Variants in CIMIP6 observed in about 807,000 individuals in gnomAD.
CIMIP6 encodes uncharacterized protein C2orf73.
At chr2:54,331,732 A>C in the CIMIP6 span, among the ~76,000 whole-genome samples, 3 of 151,926 alleles carry the variant, frequency 2.0e-5, no homozygotes, top group South Asian at 2.1e-4. Flanking sequence ...ATCTGGCTTC[A>C]ACCAAGGCAT....
At chr2:54,372,524 G>C in the CIMIP6 span, among the ~76,000 whole-genome samples, 2 of 152,172 alleles carry the variant, frequency 1.3e-5, no homozygotes, top group African/African-American at 4.8e-5. Flanking sequence ...AGCAAGGCAG[G>C]AGTGATGACA....
At chr2:54,354,822 G>A in the CIMIP6 span, among the ~76,000 whole-genome samples, 1 of 150,106 alleles carries the variant, frequency 6.7e-6, no homozygotes, top group Admixed American at 6.6e-5. Flanking sequence ...CTTTTTTATA[G>A]TATTCACCAG....
At chr2:54,348,163 A>G in the CIMIP6 span, among the ~76,000 whole-genome samples, 254 of 152,324 alleles carry the variant, frequency 1.7e-3, 2 homozygotes, top group African/African-American at 5.7e-3. Flanking sequence ...TAAACTTAGT[A>G]TTATGTGAAC....
the CIMIP6 span, among the ~76,000 whole-genome samples, chr2:54,367,462 AT>A: frequency 6.6e-6 from 1 of 151,852 alleles, no homozygotes; most frequent in African/African-American, 2.4e-5. Flanking sequence ...GTGAAACAGG[AT>A]TTTTTTTGAA....
At chr2:54,378,332 C>A in the CIMIP6 span, among the ~76,000 whole-genome samples, 1 of 152,240 alleles carries the variant, frequency 6.6e-6, no homozygotes, top group Non-Finnish European at 1.5e-5. Context: ...CCTCACACGG[C>A]TTTGCAGCCT....
At chr2:54,371,884 T>G in the CIMIP6 span, among the ~76,000 whole-genome samples, 1 of 152,224 alleles carries the variant, frequency 6.6e-6, no homozygotes, top group Non-Finnish European at 1.5e-5. Context: ...ACTTGCTGGC[T>G]GTGTGACCTT....
chr2:54,359,147 C>A, the CIMIP6 span: 1 of 861,976 alleles, frequency 1.2e-6, no homozygotes, highest in South Asian at 1.7e-5. Flanking sequence ...TTTTTCAAGT[C>A]ATAATTATCT....
chr2:54,333,547 CAG>C, the CIMIP6 span, among the ~76,000 whole-genome samples: 1 of 152,082 alleles, frequency 6.6e-6, no homozygotes, highest in African/African-American at 2.4e-5. Flanking sequence ...AATTAGGAGG[CAG>C]TATTTTATTG....
the CIMIP6 span, among the ~76,000 whole-genome samples, chr2:54,375,154 GAATGTA>G: frequency 6.6e-6 from 1 of 152,016 alleles, no homozygotes; most frequent in African/African-American, 2.4e-5. Context: ...ATCTACAAAA[GAATGTA>G]AAGTGTTGAC....
chr2:54,366,429 G>A, the CIMIP6 span, among the ~76,000 whole-genome samples: 38 of 152,276 alleles, frequency 2.5e-4, no homozygotes, highest in African/African-American at 8.9e-4. Flanking sequence ...ATTTAGGATT[G>A]TTGTTTTCTT....
At chr2:54,336,252 C>T in the CIMIP6 span, among the ~76,000 whole-genome samples, 4 of 152,216 alleles carry the variant, frequency 2.6e-5, no homozygotes, top group Middle Eastern at 3.4e-3. Flanking sequence ...TCCCCTATGC[C>T]CTTTTGTGGT....
the CIMIP6 span, among the ~76,000 whole-genome samples, chr2:54,348,555 G>A: frequency 1.3e-5 from 2 of 152,090 alleles, no homozygotes; most frequent in South Asian, 2.1e-4. Flanking sequence ...AAGTCATAAT[G>A]TAATTTAAAG....
chr2:54,339,687 C>T, the CIMIP6 span, among the ~76,000 whole-genome samples: 12 of 74,738 alleles, frequency 1.6e-4, 4 homozygotes, highest in East Asian at 9.6e-4. Context: ...CAACAAAATG[C>T]GATTGTTTAT....
chr2:54,349,923 C>T, the CIMIP6 span, among the ~76,000 whole-genome samples: 1 of 151,324 alleles, frequency 6.6e-6, no homozygotes, highest in African/African-American at 2.4e-5. Flanking sequence ...GATCTCGGCT[C>T]ACTGCAACCT....
chr2:54,382,070 A>T, the CIMIP6 span: 1 of 1,396,430 alleles, frequency 7.2e-7, no homozygotes, highest in Non-Finnish European at 9.3e-7. Flanking sequence ...GGCTGAAGAG[A>T]ACTTAATAAA....
chr2:54,340,516 T>C, the CIMIP6 span, among the ~76,000 whole-genome samples: 2 of 152,210 alleles, frequency 1.3e-5, no homozygotes, highest in Non-Finnish European at 2.9e-5. Flanking sequence ...ACCAAACTTT[T>C]TAGGCATAAG....
the CIMIP6 span, among the ~76,000 whole-genome samples, chr2:54,331,779 A>C: frequency 6.6e-6 from 1 of 152,060 alleles, no homozygotes; most frequent in Non-Finnish European, 1.5e-5. Flanking sequence ...TGAGACTATT[A>C]ATCAAGGTAG....
At chr2:54,359,428 G>A in the CIMIP6 span, among the ~76,000 whole-genome samples, 1 of 151,862 alleles carries the variant, frequency 6.6e-6, no homozygotes, top group Admixed American at 6.6e-5. Flanking sequence ...ATCAGTCTTT[G>A]GAATTTGGTC....
chr2:54,361,602 T>G, the CIMIP6 span: 1 of 152,222 alleles, frequency 6.6e-6, no homozygotes, highest in African/African-American at 2.4e-5. Context: ...CATTATATTT[T>G]TTTGTGTTGG....
Sources: gnomAD v4.1 joint callset for allele counts (sites outside exome capture counted in the v4.1 genomes callset) on GRCh38, gnomAD v4.1.1 for gene constraint, MANE v1.5 for transcripts, NCBI Gene and HGNC (gene_info 2026-07-23, HGNC 2026-07-21) for gene names.